The following ROBO1 variants were observed in gnomAD, a reference collection of about 807,000 sequenced individuals.
The protein encoded by ROBO1 is roundabout guidance receptor 1, also known as roundabout homolog 1.
A neutral mutation model predicts 195.9 loss-of-function variants in ROBO1; 149 were observed. The ratio of observed to expected loss-of-function variants is 0.76; its 90% CI spans 0.67 to 0.87. The LOEUF (loss-of-function observed/expected upper bound fraction) is 0.87, where lower values mean the gene tolerates loss of function less well. Among genes scored for constraint, ROBO1 ranks in the 40% least tolerant of loss-of-function variants. The pLI, the probability that ROBO1 is intolerant of heterozygous loss-of-function variation, is 0.00. For synonymous variants in ROBO1, 816 were observed against 733.2 expected (o/e 1.11, Z -1.82); for missense variants, 1,933 against 2,068.3 (o/e 0.93, Z 1.27).
At chr3:78,964,801 GTTTT>G (rs146761550) in intron 3 of ROBO1, among the ~76,000 whole-genome samples, 1 of 143,626 alleles carries the variant, frequency 7.0e-6, no homozygotes, top group Non-Finnish European at 1.5e-5. Flanking sequence ...CAAGCTTAGG[GTTTT>G]TTTTTTGTTT....
chr3:79,202,617 A>T (rs1277343854), intron 2 of ROBO1, among the ~76,000 whole-genome samples: 1 of 151,938 alleles, frequency 6.6e-6, no homozygotes, highest in Non-Finnish European at 1.5e-5. Context: ...CAAAAAAAAA[A>T]AAAAAGAGAA....
In ROBO1 at chr3:79,687,183, C is replaced by T. The variant is rs117923129; in HGVS notation, c.-51+80569G>A. Among the ~76,000 whole-genome samples, 1,587 of 152,164 alleles carry T rather than the reference C, an allele frequency of 0.01. 108 individuals carry two copies. In the East Asian group the frequency reaches 0.17, roughly 16 times the overall value. Reference sequence around the variant, plus strand: ...AGCCATATGTAGAAAGCTGAAGCTGCGTCCCTTCTTTACACCTTATACAAA... The same window carrying T: ...AGCCATATGTAGAAAGCTGAAGCTGTGTCCCTTCTTTACACCTTATACAAA... On this transcript the variant is annotated intron_variant, in intron 1 of 30. Transcript: ENST00000464233.
intron 2 of ROBO1, among the ~76,000 whole-genome samples, chr3:79,279,727 G>A (rs1052631251): frequency 1.3e-5 from 2 of 152,168 alleles, no homozygotes; most frequent in South Asian, 2.1e-4. Context: ...CAAGGAGGAG[G>A]TAGAGATGAC....
intron 1 of ROBO1, among the ~76,000 whole-genome samples, chr3:79,611,018 T>C (rs189697035): frequency 6.6e-6 from 1 of 152,038 alleles, no homozygotes; most frequent in Non-Finnish European, 1.5e-5. Flanking sequence ...TTGAGGCTGA[T>C]CAAATATGAA....
chr3:79,001,875 CAT>C (rs1480101506), intron 3 of ROBO1, among the ~76,000 whole-genome samples: 5 of 152,012 alleles, frequency 3.3e-5, no homozygotes, highest in Admixed American at 6.6e-5. Context: ...TATTAGATAA[CAT>C]AAACTTATTT....
rs546486206 is a variant in ROBO1 at position 79,759,609 on chromosome 3, C to CACAT, written c.-51+8139_-51+8142dup. ...AAGGACTCATTGAACATGAGCAATT[C>CACAT]ACATACGATTTAAAGAGATTATACA... On this transcript the variant is annotated intron_variant, in intron 1 of 30. Transcript: ENST00000464233. Among the ~76,000 whole-genome samples, 304 of 152,302 alleles carry CACAT rather than the reference C, an allele frequency of 2.0e-3. 1 individual carries two copies. The highest frequency in any genetic ancestry group is 7.0e-3 in the African/African-American group (290 of 41,566).
chr3:79,572,141 C>T (rs1457760544), intron 2 of ROBO1, among the ~76,000 whole-genome samples: 1 of 151,852 alleles, frequency 6.6e-6, no homozygotes, highest in Non-Finnish European at 1.5e-5. Flanking sequence ...TACCCTAAAA[C>T]TTAAAGTACA....
chr3:78,942,794 C>T (rs985179566), intron 3 of ROBO1, among the ~76,000 whole-genome samples: 3 of 152,208 alleles, frequency 2.0e-5, no homozygotes, highest in African/African-American at 7.2e-5. Flanking sequence ...TGTGTCCCAG[C>T]TACTCAGGAG....
At chr3:79,501,038 T>C (rs1291797205) in intron 2 of ROBO1, among the ~76,000 whole-genome samples, 2 of 152,138 alleles carry the variant, frequency 1.3e-5, no homozygotes, top group Non-Finnish European at 2.9e-5. Flanking sequence ...TAGCAAGATC[T>C]TGGCTGGTCA....
intron 3 of ROBO1, among the ~76,000 whole-genome samples, chr3:79,027,506 T>G (rs541281746): frequency 6.6e-6 from 1 of 152,216 alleles, no homozygotes; most frequent in East Asian, 1.9e-4. Context: ...GACTGAGGAC[T>G]ATGATTCTAA....
At chr3:78,958,192 G>T (rs1474738956) in intron 3 of ROBO1, among the ~76,000 whole-genome samples, 1 of 152,110 alleles carries the variant, frequency 6.6e-6, no homozygotes, top group Non-Finnish European at 1.5e-5. Flanking sequence ...CTAGAGCAAG[G>T]TTCAAAATAT....
intron 18 of ROBO1, among the ~76,000 whole-genome samples, chr3:78,655,568 T>C (rs1225019834): frequency 1.3e-5 from 2 of 152,216 alleles, no homozygotes; most frequent in African/African-American, 4.8e-5. Flanking sequence ...TATTGTCTTA[T>C]AGGACAGAAA....
intron 2 of ROBO1, among the ~76,000 whole-genome samples, chr3:79,487,098 A>G (rs1200930765): frequency 1.4e-5 from 2 of 142,480 alleles, no homozygotes; most frequent in Non-Finnish European, 3.1e-5. Context: ...TTTGTTGAAA[A>G]TGATAAAGAG....
chr3:79,197,789 G>A (rs1023108602), intron 2 of ROBO1, among the ~76,000 whole-genome samples: 1 of 151,964 alleles, frequency 6.6e-6, no homozygotes, highest in African/African-American at 2.4e-5. Flanking sequence ...CTAATGACCA[G>A]TGATGATGAG....
chr3:79,655,665 T>C (rs1946136494), intron 1 of ROBO1, among the ~76,000 whole-genome samples: 1 of 152,038 alleles, frequency 6.6e-6, no homozygotes, highest in Non-Finnish European at 1.5e-5. Context: ...AATAAGAGAA[T>C]AGCAAAGCTA....
intron 2 of ROBO1, among the ~76,000 whole-genome samples, chr3:79,517,039 C>T (rs1413038215): frequency 6.6e-6 from 1 of 152,124 alleles, no homozygotes; most frequent in Non-Finnish European, 1.5e-5. Context: ...GTGTATTACC[C>T]TCTCTTTTTA....
chr3:79,536,280 G>A (rs1163905661), intron 2 of ROBO1, among the ~76,000 whole-genome samples: 1 of 151,852 alleles, frequency 6.6e-6, no homozygotes, highest in Non-Finnish European at 1.5e-5. Flanking sequence ...AGACACAAAT[G>A]CATACACACA....
At chr3:79,401,616 C>G (rs1441391741) in intron 2 of ROBO1, among the ~76,000 whole-genome samples, 1 of 151,776 alleles carries the variant, frequency 6.6e-6, no homozygotes, top group African/African-American at 2.4e-5. Context: ...TACTACTGAA[C>G]ATCCAATATG....
intron 2 of ROBO1, among the ~76,000 whole-genome samples, chr3:79,376,566 T>G (rs1247463407): frequency 6.6e-6 from 1 of 152,100 alleles, no homozygotes. Flanking sequence ...TGATAGTGAG[T>G]AAGTCTCAGA....
Sources: gnomAD v4.1 joint callset for allele counts (sites outside exome capture counted in the v4.1 genomes callset) on GRCh38, gnomAD v4.1.1 for gene constraint, MANE v1.5 for transcripts, NCBI Gene and HGNC (gene_info 2026-07-23, HGNC 2026-07-21) for gene names.